The following SVOPL variants were observed in gnomAD, a reference collection of about 807,000 sequenced individuals.
The protein encoded by SVOPL is putative transporter SVOPL.
SVOPL carries 60 observed loss-of-function variants against 61.0 expected under a neutral mutation model. That is an observed-to-expected ratio of 0.98 (90% confidence interval 0.80 to 1.22). The LOEUF is 1.22. Ranked by LOEUF, SVOPL falls within the 50% of genes most tolerant of loss-of-function variation. The pLI is 0.00. For synonymous variants in SVOPL, 279 were observed against 250.0 expected, an observed-to-expected ratio of 1.12 and a Z score of -1.09; for missense variants, 662 against 643.9, an observed-to-expected ratio of 1.03 and a Z score of -0.30.
intron 1 of SVOPL, among the ~76,000 whole-genome samples, chr7:138,684,934 CTT>C (rs201231483): frequency 1.4e-4 from 19 of 140,072 alleles, no homozygotes; most frequent in Non-Finnish European, 1.5e-4. Context: ...TTTTTCTTTT[CTT>C]TTTTTTTTTT....
chr7:138,611,676 T>C (rs1418688923), intron 14 of SVOPL, among the ~76,000 whole-genome samples: 1 of 151,986 alleles, frequency 6.6e-6, no homozygotes. Flanking sequence ...ACCATTAAAT[T>C]AGGGTTTTTT....
At chr7:138,635,953 G>T (rs1800449110) in intron 9 of SVOPL, among the ~76,000 whole-genome samples, 1 of 152,054 alleles carries the variant, frequency 6.6e-6, no homozygotes, top group Non-Finnish European at 1.5e-5. Flanking sequence ...ACATTTTTTT[G>T]AAACAGTCTT....
intron 1 of SVOPL, among the ~76,000 whole-genome samples, chr7:138,691,561 AC>A (rs1225641264): frequency 6.6e-6 from 1 of 152,130 alleles, no homozygotes; most frequent in East Asian, 1.9e-4. Flanking sequence ...TGTTTTTGAG[AC>A]CAAGTCTCGC....
At chr7:138,596,290 C>T (rs1043830836) in intron 15 of SVOPL, 127 bp downstream of exon 15, 3 of 749,088 alleles carry the variant, frequency 4.0e-6, no homozygotes, top group Non-Finnish European at 6.1e-6. Flanking sequence ...CAAACTACAA[C>T]TTTACAGAAA....
intron 8 of SVOPL, 27 bp from the exon 9 acceptor site, chr7:138,644,872 G>T (rs1801018033): frequency 8.7e-6 from 14 of 1,614,056 alleles, no homozygotes; most frequent in Non-Finnish European, 1.2e-5. Context: ...AAGAACATCA[G>T]AGTGGCCACT....
intron 4 of SVOPL, among the ~76,000 whole-genome samples, chr7:138,670,505 A>C (rs1245341014): frequency 1.3e-5 from 2 of 152,134 alleles, no homozygotes; most frequent in Non-Finnish European, 2.9e-5. Context: ...CCCTGACTCA[A>C]CTGGTCCTGT....
intron 14 of SVOPL, among the ~76,000 whole-genome samples, chr7:138,606,141 C>T (rs768842794): frequency 5.9e-5 from 9 of 151,916 alleles, no homozygotes; most frequent in Non-Finnish European, 1.2e-4. Context: ...GTCCTCATGG[C>T]GAGTAAAGTC....
At chr7:138,674,314 A>C (rs1802502659) in intron 3 of SVOPL, among the ~76,000 whole-genome samples, 1 of 151,924 alleles carries the variant, frequency 6.6e-6, no homozygotes, top group Non-Finnish European at 1.5e-5. Flanking sequence ...CGAGGCCCGG[A>C]AACCCAACTG....
rs868550608 is a variant in SVOPL, at chr7:138,622,205, T to A, written c.1264-1070A>T. Among the ~76,000 whole-genome samples the A allele has an allele frequency of 1.1e-3, 108 of 95,162 alleles. 2 individuals carry two copies. Among genetic ancestry groups the A allele is most frequent in the South Asian group, 1.8e-3 (4 of 2,216 alleles). The allele number at this position is 95,162 out of a possible 152,430, so 62.4% of individuals were successfully genotyped here. A position where few individuals can be genotyped will look rare whatever the true frequency, so the allele number is the denominator to read the frequency against. ...ATGTATCTATCTATCTATCTATGTA[T>A]CTATCTATCTATCTATGTATCTATC... On this transcript the variant is annotated intron_variant, in intron 13 of 15. Coordinates refer to ENST00000674285, the MANE Select transcript of SVOPL (RefSeq NM_001139456.2).
intron 1 of SVOPL, among the ~76,000 whole-genome samples, chr7:138,684,446 C>A (rs993718231): frequency 1.3e-5 from 2 of 151,508 alleles, no homozygotes; most frequent in Non-Finnish European, 2.9e-5. Flanking sequence ...AGGACCTGAG[C>A]AGACAGTTTT....
At chr7:138,635,762 C>T (rs576925036) in intron 9 of SVOPL, among the ~76,000 whole-genome samples, 79 of 152,196 alleles carry the variant, frequency 5.2e-4, no homozygotes, top group Non-Finnish European at 9.0e-4. Flanking sequence ...AGGGAAATGG[C>T]TTCTTCAACC....
At chr7:138,691,802 A>C (rs539657509) in intron 1 of SVOPL, among the ~76,000 whole-genome samples, 2 of 152,022 alleles carry the variant, frequency 1.3e-5, no homozygotes, top group African/African-American at 4.8e-5. Context: ...CGGCCTCCCA[A>C]AGTGCTGGGA....
intron 1 of SVOPL, among the ~76,000 whole-genome samples, chr7:138,686,560 GGGTTTT>G (rs1485658938): frequency 1.5e-5 from 2 of 133,018 alleles, no homozygotes; most frequent in African/African-American, 5.7e-5. Context: ...TTTGTTTTTT[GGGTTTT>G]TTTTTTTTTT....
chr7:138,661,269 G>A (rs764171244), intron 5 of SVOPL: 29 of 985,250 alleles, frequency 2.9e-5, no homozygotes, highest in Non-Finnish European at 3.4e-5. Flanking sequence ...TAGTAGGCAC[G>A]TGACTTTGAG....
chr7:138,692,927 A>G (rs1390121186), intron 1 of SVOPL, among the ~76,000 whole-genome samples: 1 of 152,196 alleles, frequency 6.6e-6, no homozygotes, highest in Non-Finnish European at 1.5e-5. Flanking sequence ...GGAAAGGTGG[A>G]GGGATTGGTA....
chr7:138,611,313 GGTT>G (rs770994569), intron 14 of SVOPL, among the ~76,000 whole-genome samples: 4 of 152,198 alleles, frequency 2.6e-5, no homozygotes, highest in South Asian at 2.1e-4. Flanking sequence ...AGGAGGCAGA[GGTT>G]GTAGTGGGCT....
At position 138,628,276 on chromosome 7, in the gene SVOPL, G is replaced by A. The variant is rs143632161; in HGVS notation, c.951C>T (p.Asp317=). The change falls in exon 11 of 16, where the codon GAC becomes GAT. Residue 317 remains aspartate (D), a synonymous_variant. Transcript: ENST00000674285. ...CCCCCCCAGTCACCACCACCGCAGA[G>A]TCTGACTTTGAACCACAGACCAAGT... ...ERDLVCGSKS[D]SAVVVTGGDS... is the part of the protein sequence containing the mutation. 51 of 1,614,194 alleles carry A rather than the reference G, an allele frequency of 3.2e-5. 1 individual carries two copies. In the African/African-American group the frequency reaches 4.9e-4, roughly 16 times the overall value.
At position 138,672,081 on chromosome 7, in the gene SVOPL, C is replaced by A. The variant is rs1802434955; in HGVS notation, c.211G>T (p.Val71Leu). ...CATTCACAGCGGATGACAGGAGACA[C>A]AACAGCTATCAACATGATCTCCATG... ...EAMEIMLIAVVSPVIRCEWQL... is the reference protein window; with the variant it reads ...EAMEIMLIAVLSPVIRCEWQL... Residue 71 changes from valine (V) to leucine (L), a missense_variant, in exon 4 of 16, where the codon GTG (valine) becomes TTG (leucine). Coordinates refer to ENST00000674285, the MANE Select transcript of SVOPL (RefSeq NM_001139456.2). 6.4e-7 allele frequency: 1 copy of A among 1,551,580 alleles called. No homozygotes were observed. The highest frequency in any genetic ancestry group is 8.7e-7 in the Non-Finnish European group (1 of 1,147,002).
In SVOPL at chr7:138,664,237, GC is replaced by G. The variant is rs899952619; in HGVS notation, c.274-1093del. On this transcript the variant is annotated intron_variant, in intron 4 of 15. Transcript: ENST00000674285. Reference sequence around the variant, plus strand: ...GGAAGACGTCCTGCCTCCCTCGCGCGCCCCACCTAGCGCGCGCCTAACCCTC... The same window carrying G: ...GGAAGACGTCCTGCCTCCCTCGCGCGCCCACCTAGCGCGCGCCTAACCCTC... 7 of 964,138 alleles carry G rather than the reference GC, an allele frequency of 7.3e-6. No homozygotes were observed. The African/African-American group carries it at 1.4e-4, about 19-fold the overall frequency. 59.7% of individuals were successfully genotyped at this position (964,138 alleles called of 1,614,324 possible).
Sources: allele counts gnomAD v4.1 joint callset (sites outside exome capture counted in the v4.1 genomes callset), GRCh38; gene constraint gnomAD v4.1.1; transcripts MANE v1.5; gene names NCBI Gene and HGNC (gene_info 2026-07-23, HGNC 2026-07-21).